ATP1B4: variants seen among roughly 807,000 people sequenced by gnomAD.
ATP1B4 encodes the protein ATPase Na+/K+ transporting family member beta 4.
A neutral mutation model predicts 29.6 loss-of-function variants in ATP1B4; 32 were observed. The observed-to-expected ratio is 1.08, with a 90% CI of 0.82 to 1.45. ATP1B4 has a LOEUF of 1.45. Ranked by LOEUF, ATP1B4 falls within the 40% of genes most tolerant of loss-of-function variation. The pLI, the probability that ATP1B4 is intolerant of heterozygous loss-of-function variation, is 0.00. For missense variants in ATP1B4, 323 were observed against 276.2 expected (o/e 1.17, Z -1.20); for synonymous variants, 127 against 102.1 (o/e 1.24, Z -1.47).
intron 1 of ATP1B4, among the ~76,000 whole-genome samples, chrX:120,364,476 T>TTAAC (rs1275055703): frequency 9.0e-6 from 1 of 111,566 alleles, no homozygotes; most frequent in African/African-American, 3.3e-5. Flanking sequence ...CACTGGGTAC[T>TTAAC]TAACTGTCAG....
chrX:120,372,282 C>T (rs983837797), intron 4 of ATP1B4, among the ~76,000 whole-genome samples: 1 of 111,729 alleles, frequency 9.0e-6, no homozygotes, highest in Non-Finnish European at 1.9e-5. Flanking sequence ...GCTTGGTTGT[C>T]CTGGCCTGGT....
rs2058349019 is a variant in ATP1B4 at position 120,375,533 on chromosome X, A to C, written c.724A>C (p.Thr242Pro). Residue 242 changes from threonine (T) to proline (P), a missense_variant, in exon 5 of 8, where the codon ACT becomes CCT. By Grantham distance (38) the Thr-to-Pro change is conservative (BLOSUM62 -1). Transcript: ENST00000218008. The part of the protein sequence containing the change: ...GLEDPTFGYS[T>P]GQPCILLKMN... ...GGAGGACCCAACTTTTGGATACTCTACTGGACAGCCCTGCATCCTTCTAAA... is the reference window on the plus strand; with the variant it reads ...GGAGGACCCAACTTTTGGATACTCTCCTGGACAGCCCTGCATCCTTCTAAA... The C allele has an allele frequency of 1.7e-6, 2 of 1,208,240 alleles. No homozygotes were observed. The highest frequency in any genetic ancestry group is 1.8e-5 in the South Asian group (1 of 56,507).
At chrX:120,368,436 T>A (rs1414813023) in intron 2 of ATP1B4, among the ~76,000 whole-genome samples, 2 of 112,228 alleles carry the variant, frequency 1.8e-5, no homozygotes, top group Admixed American at 1.9e-4. Flanking sequence ...ATGAATATAA[T>A]CTGGGCCTTT....
Position 120,370,733 on chromosome X carries a change from A to ACTT in ATP1B4, c.356_358dup (p.Phe119dup). ...TCTGCAGGCCTGATCTTACTCATTT[A>ACTT]CTTCTTCTTCTATGCCTCCTTGGCT... On this transcript the variant is annotated inframe_insertion, in exon 3 of 8. Transcript: ENST00000218008. The ACTT allele has an allele frequency of 4.1e-6, 5 of 1,210,969 alleles. No homozygotes were observed. The highest frequency in any genetic ancestry group is 5.6e-6 in the Non-Finnish European group (5 of 895,233).
At chrX:120,362,885 A>C (rs1044260634) in intron 1 of ATP1B4, among the ~76,000 whole-genome samples, 15 of 112,138 alleles carry the variant, frequency 1.3e-4, no homozygotes, top group Non-Finnish European at 1.9e-4. Flanking sequence ...GTATTTGCAG[A>C]ATGCATCTTC....
At chrX:120,376,254 G>A (rs1396626392) in intron 5 of ATP1B4, 126 bp from the exon 6 acceptor site, 9 of 590,537 alleles carry the variant, frequency 1.5e-5, no homozygotes, top group Non-Finnish European at 1.3e-5. Flanking sequence ...ACATTTCTGA[G>A]AAGGCGAAAT....
Position 120,375,518 on chromosome X carries a change from AC to A in ATP1B4, c.710del (p.Thr237IlefsTer13). The part of the protein sequence containing the change: ...LKNCSGLEDP[T>X]FGYSTGQPCI... ...GAACTGCTCTGGTCTGGAGGACCCA[AC>A]TTTTGGATACTCTACTGGACAGCCC... On this transcript the variant is annotated frameshift_variant, in exon 5 of 8. Coordinates refer to ENST00000218008, the MANE Select transcript of ATP1B4 (RefSeq NM_001142447.3). LOFTEE classifies it high-confidence loss of function. 8.3e-7 allele frequency: 1 copy of A among 1,210,898 alleles called. No homozygotes were observed. Among genetic ancestry groups the A allele is most frequent in the Non-Finnish European group, 1.1e-6 (1 of 895,254 alleles).
chrX:120,382,463 A>G lies in ATP1B4; in HGVS notation c.*2829A>G, dbSNP rs2058384973. The G allele has an allele frequency of 8.9e-6, 1 of 112,332 alleles. No homozygotes were observed. Among genetic ancestry groups the G allele is most frequent in the Non-Finnish European group, 1.9e-5 (1 of 53,254 alleles). The allele number at this position is 112,332 out of a possible 1,213,427, so 9.3% of individuals were successfully genotyped here. A position where few individuals can be genotyped will look rare whatever the true frequency, so the allele number is the denominator to read the frequency against. ...CTCAATCAAACTCTCAAGATTCAGT[A>G]GTAAAAGATAATAGAATGTTAGATC... On this transcript the variant is annotated 3_prime_UTR_variant, in exon 8 of 8. Transcript: ENST00000218008.
chrX:120,372,320 C>T (rs777454767), intron 4 of ATP1B4, among the ~76,000 whole-genome samples: 4 of 111,829 alleles, frequency 3.6e-5, no homozygotes, highest in Non-Finnish European at 5.6e-5. Context: ...ATTCTAGAGG[C>T]GGCTACTATT....
At chrX:120,364,973 C>T (rs956390860) in intron 1 of ATP1B4, among the ~76,000 whole-genome samples, 17 of 111,933 alleles carry the variant, frequency 1.5e-4, no homozygotes, top group Non-Finnish European at 5.6e-5. Flanking sequence ...CTTTCTTGGC[C>T]TCCCAAAGTG....
intron 2 of ATP1B4, among the ~76,000 whole-genome samples, chrX:120,369,271 G>A (rs1226802016): frequency 8.9e-6 from 1 of 111,992 alleles, no homozygotes; most frequent in Non-Finnish European, 1.9e-5. Context: ...CAGGCACACA[G>A]GTGCTGTCGT....
chrX:120,370,941 A>G, intron 3 of ATP1B4, 98 bp downstream of exon 3: 1 of 1,089,385 alleles, frequency 9.2e-7, no homozygotes, highest in South Asian at 2.1e-5. Context: ...TCTTCCTGGT[A>G]ATGACTTAGA....
chrX:120,379,964 G>A lies in ATP1B4; in HGVS notation c.*330G>A. On this transcript the variant is annotated 3_prime_UTR_variant, in exon 8 of 8. Coordinates refer to ENST00000218008, the MANE Select transcript of ATP1B4 (RefSeq NM_001142447.3). ...ACAATAGCCACGCAATAGCCATCAA[G>A]GAGAATTTCTATTATGATTATAAAT... 1 of 149,340 alleles carries A rather than the reference G, an allele frequency of 6.7e-6. No homozygotes were observed. The highest frequency in any genetic ancestry group is 3.0e-5 in the African/African-American group (1 of 32,819). 12.3% of individuals were successfully genotyped at this position (149,340 alleles called of 1,213,427 possible).
intron 5 of ATP1B4, among the ~76,000 whole-genome samples, chrX:120,376,027 C>T (rs1315004261): frequency 9.0e-6 from 1 of 111,446 alleles, no homozygotes; most frequent in Non-Finnish European, 1.9e-5. Flanking sequence ...GGGGACAGTT[C>T]TTATATCATA....
At chrX:120,365,479 G>C (rs1050918390) in intron 1 of ATP1B4, among the ~76,000 whole-genome samples, 1 of 112,243 alleles carries the variant, frequency 8.9e-6, no homozygotes, top group Non-Finnish European at 1.9e-5. Flanking sequence ...CAGGCCGGGA[G>C]GGGGCAGCAC....
Position 120,362,133 on chromosome X carries a change from G to A in ATP1B4, c.-36G>A, listed in dbSNP as rs774397668. ...GAAGCTCCAGAACTCTCACCCGATT[G>A]CCTGCCTCTGCTGCGTCTTTGCCCA... On this transcript the variant is annotated 5_prime_UTR_variant, in exon 1 of 8. Coordinates refer to ENST00000218008, the MANE Select transcript of ATP1B4 (RefSeq NM_001142447.3). 10 of 1,174,165 alleles carry A rather than the reference G, an allele frequency of 8.5e-6. No individual in the cohort carries two copies. The highest frequency in any genetic ancestry group is 2.2e-5 in the Admixed American group (1 of 45,684).
intron 5 of ATP1B4, 31 bp downstream of exon 5, chrX:120,375,599 A>G (rs370466119): frequency 1.7e-6 from 2 of 1,145,433 alleles, no homozygotes; most frequent in Admixed American, 2.3e-5. Flanking sequence ...TGGTGGTGAT[A>G]AGCGAATGAA....
At chrX:120,374,227 G>T (rs1307588171) in intron 4 of ATP1B4, among the ~76,000 whole-genome samples, 2 of 110,031 alleles carry the variant, frequency 1.8e-5, no homozygotes, top group Admixed American at 2.0e-4. Context: ...TGCCCCGCCA[G>T]TGGAGACAGT....
intron 4 of ATP1B4, among the ~76,000 whole-genome samples, chrX:120,373,556 C>A (rs1034514519): frequency 8.9e-6 from 1 of 111,982 alleles, no homozygotes; most frequent in African/African-American, 3.2e-5. Flanking sequence ...TCTAACAGGA[C>A]TAACTGGGCT....
Sources: allele counts gnomAD v4.1 joint callset (sites outside exome capture counted in the v4.1 genomes callset), GRCh38; gene constraint gnomAD v4.1.1; transcripts MANE v1.5; gene names NCBI Gene and HGNC (gene_info 2026-07-23, HGNC 2026-07-21).